Variants in C1R observed in about 807,000 individuals in gnomAD.
C1R encodes complement C1r.
In C1R, 15 loss-of-function variants were observed where a neutral mutation model predicts 27.6. The observed-to-expected ratio is 0.54, with a 90% confidence interval of 0.36 to 0.84. C1R has a LOEUF of 0.84. Ranked by LOEUF, C1R falls within the 40% of genes least tolerant of loss-of-function variation. C1R has a pLI of 0.01. For missense variants in C1R, 544 were observed against 577.9 expected (o/e 0.94, Z 0.60); for synonymous variants, 253 against 228.8 (o/e 1.11, Z -0.95).
intron 6 of C1R, 29 bp downstream of exon 6, chr12:7,088,810 C>T (rs768810007): frequency 1.3e-6 from 1 of 773,134 alleles, no homozygotes; most frequent in Non-Finnish European, 2.4e-6. Context: ...CATTGCTGGC[C>T]ATCGAGGGAG....
chr12:7,088,817 G>A (rs1375413468), intron 6 of C1R, 22 bp downstream of exon 6: 4 of 772,584 alleles, frequency 5.2e-6, no homozygotes, highest in Middle Eastern at 2.3e-4. Flanking sequence ...GGCCATCGAG[G>A]GAGGCCTGCA....
chr12:7,089,599 G>T lies in C1R; in HGVS notation c.559C>A (p.His187Asn). The T allele has an allele frequency of 1.3e-6, 1 of 780,912 alleles. No individual in the cohort carries two copies. The highest frequency in any genetic ancestry group is 2.4e-6 in the Non-Finnish European group (1 of 417,982). 48.4% of individuals were successfully genotyped at this position (780,912 alleles called of 1,614,324 possible). Residue 187 changes from histidine to asparagine, a missense_variant, in exon 4 of 11, where the codon CAT becomes AAT. Transcript: ENST00000647956. Reference sequence around the variant, plus strand: ...CACTCTGGCTCACCCTGGCAGGAATGCCTGTCTTCCTGAAGCTCATAGCCT... The same window carrying T: ...CACTCTGGCTCACCCTGGCAGGAATTCCTGTCTTCCTGAAGCTCATAGCCT... ...RPGYELQEDRHSCQAECSSEL... is the reference protein window; with the variant it reads ...RPGYELQEDRNSCQAECSSEL...
In C1R at chr12:7,080,652, A is replaced by G. The variant is rs371889125; in HGVS notation, c.1998T>C (p.Asp666=). 4.9e-5 allele frequency: 79 copies of G among 1,613,826 alleles called. No homozygotes were observed. The African/African-American group carries it at 9.3e-4, about 19-fold the overall frequency. ...ACACGATGCCCGTGGCCACCCAGCGATCAGTGTTCGGGTCCCTTACTGCAA... is the reference window on the plus strand; with the variant it reads ...ACACGATGCCCGTGGCCACCCAGCGGTCAGTGTTCGGGTCCCTTACTGCAA... ...GVFAVRDPNT[D]RWVATGIVSW... Residue 666 remains aspartate, a synonymous_variant, in exon 11 of 11, where the codon GAT becomes GAC. Coordinates refer to ENST00000647956, the MANE Select transcript of C1R (RefSeq NM_001733.7). This position sits in a 1 kb window ranked among gnomAD's most constrained non-coding sequence, Gnocchi z 4.9.
In C1R at chr12:7,088,577, G is replaced by C. The variant is rs771464763; in HGVS notation, c.1038+33C>G. On this transcript the variant is annotated intron_variant, in intron 7 of 10. Transcript: ENST00000647956. ...ACCTGAATTCCTCCTGGGGTGCTGGGCCGGCTCTCTCCCCTCAGCCCTGGG... is the reference window on the plus strand; with the variant it reads ...ACCTGAATTCCTCCTGGGGTGCTGGCCCGGCTCTCTCCCCTCAGCCCTGGG... 1.4e-5 allele frequency: 10 copies of C among 718,844 alleles called. 1 individual carries two copies. The highest frequency in any genetic ancestry group is 2.3e-4 in the Middle Eastern group (1 of 4,394). The allele number at this position is 718,844 out of a possible 1,614,324, so 44.5% of individuals were successfully genotyped here.
At chr12:7,088,204 C>T (rs956945389) in intron 7 of C1R, among the ~76,000 whole-genome samples, 1 of 152,160 alleles carries the variant, frequency 6.6e-6, no homozygotes, top group Admixed American at 6.5e-5. Flanking sequence ...GGCAATAGTT[C>T]TTAAACTTGG....
Position 7,081,288 on chromosome 12 carries a change from G to T in C1R, c.1362C>A (p.Pro454=). 6.2e-7 allele frequency: 1 copy of T among 1,609,978 alleles called. No homozygotes were observed. Among genetic ancestry groups the T allele is most frequent in the Non-Finnish European group, 8.5e-7 (1 of 1,178,172 alleles). ...GCTGCCTCTGTTCCACGGGGTTCAC[G>T]GGCTTCCCACACACTGAGGGAGAGA... The part of the protein sequence containing the change: ...IPRCLPVCGK[P]VNPVEQRQRI... The change falls in exon 11 of 11, where the codon CCC becomes CCA. Residue 454 remains proline, a synonymous_variant. Coordinates refer to ENST00000647956, the MANE Select transcript of C1R (RefSeq NM_001733.7).
At position 7,091,603 on chromosome 12, in the gene C1R, C is replaced by A. The variant is rs745704514; in HGVS notation, c.80G>T (p.Gly27Val). ...GSIPIPQKLFGEVTSPLFPKP... is the reference protein window; with the variant it reads ...GSIPIPQKLFVEVTSPLFPKP... ...GGGGAACAGAGGGGAAGTCACCTCC[C>A]CAAATAACTTCTGAGGGATGGGAAT... is the stretch of plus-strand genomic sequence containing the variant. Residue 27 changes from glycine (G) to valine (V), a missense_variant, in exon 2 of 11, where the codon GGG becomes GTG. By Grantham distance (109) the Gly-to-Val change is moderately radical. Transcript: ENST00000647956. The surrounding 1 kb of genome is among the most constrained non-coding windows in gnomAD (Gnocchi z 5.1). 1.3e-6 allele frequency: 1 copy of A among 768,140 alleles called. No homozygotes were observed. Among genetic ancestry groups the A allele is most frequent in the East Asian group, 2.5e-5 (1 of 40,720 alleles). 47.6% of individuals were successfully genotyped at this position (768,140 alleles called of 1,614,324 possible). A position where few individuals can be genotyped will look rare whatever the true frequency, so the allele number is the denominator to read the frequency against.
intron 9 of C1R, among the ~76,000 whole-genome samples, chr12:7,083,294 G>T (rs1044321487): frequency 1.3e-5 from 1 of 75,530 alleles, no homozygotes; most frequent in Middle Eastern, 4.8e-3. Context: ...GGTGTTGGTA[G>T]TGATGATGGT....
chr12:7,086,847 T>C (rs1938164344), intron 7 of C1R: 1 of 157,756 alleles, frequency 6.3e-6, no homozygotes, highest in South Asian at 2.1e-4. Context: ...GTGTTTCTCT[T>C]GCTGGTGTCC....
At chr12:7,090,359 G>A (rs949717867) in intron 2 of C1R, 111 bp from the exon 3 acceptor site, 7 of 621,064 alleles carry the variant, frequency 1.1e-5, no homozygotes, top group African/African-American at 1.1e-4. Flanking sequence ...GCACCACAAT[G>A]GCTCTGGCTG....
chr12:7,090,293 G>C, intron 2 of C1R, 45 bp from the exon 3 acceptor site: 1 of 695,886 alleles, frequency 1.4e-6, no homozygotes, highest in Non-Finnish European at 2.7e-6. Context: ...CTGTTGCGGA[G>C]TGGCGCACGT....
At chr12:7,082,459 G>A (rs1199446251) in intron 9 of C1R, among the ~76,000 whole-genome samples, 1 of 152,034 alleles carries the variant, frequency 6.6e-6, no homozygotes, top group Non-Finnish European at 1.5e-5. Flanking sequence ...AGCCTCCCAA[G>A]TAGCTGGGAC....
rs745450078 is a variant in C1R, at chr12:7,089,636, A to G, written c.522T>C (p.Cys174=). 2.6e-6 allele frequency: 2 copies of G among 780,912 alleles called. No homozygotes were observed. The highest frequency in any genetic ancestry group is 3.4e-5 in the Admixed American group (2 of 59,044). The allele number at this position is 780,912 out of a possible 1,614,324, so 48.4% of individuals were successfully genotyped here. ...LCHNYVGGYF[C]SCRPGYELQE... ...GAAGCTCATAGCCTGGACGGCAGGA[A>G]CAGAAGTAGCCTCCAACGTAGTTGT... Residue 174 remains cysteine (C), a synonymous_variant, in exon 4 of 11, where the codon TGT becomes TGC. Coordinates refer to ENST00000647956, the MANE Select transcript of C1R (RefSeq NM_001733.7).
chr12:7,086,242 A>C (rs1938154227), intron 8 of C1R, 137 bp downstream of exon 8: 1 of 397,572 alleles, frequency 2.5e-6, no homozygotes, highest in East Asian at 3.6e-5. Context: ...GAGATGGCCC[A>C]TAGGCATCAA....
intron 9 of C1R, among the ~76,000 whole-genome samples, chr12:7,085,493 G>T (rs942349970): frequency 1.3e-5 from 2 of 151,738 alleles, no homozygotes; most frequent in Non-Finnish European, 2.9e-5. Context: ...GTTGATTGTG[G>T]TGATGGCGGT....
In C1R at chr12:7,085,997, G is replaced by A; in HGVS notation, c.1137C>T (p.Pro379=). The A allele has an allele frequency of 2.5e-6, 1 of 398,670 alleles. No individual in the cohort carries two copies. The highest frequency in any genetic ancestry group is 4.4e-6 in the Non-Finnish European group (1 of 226,116). The allele number at this position is 398,670 out of a possible 1,614,324, so 24.7% of individuals were successfully genotyped here. Residue 379 remains proline (P), a synonymous_variant, in exon 9 of 11, where the codon CCC becomes CCT. Coordinates refer to ENST00000647956, the MANE Select transcript of C1R (RefSeq NM_001733.7). ...GGAAGTCACCATTAGGCAGGTTTCG[G>A]GGCTGCCCACAGTCCTTGACTTGGA... The part of the protein sequence containing the change: ...PRCKIKDCGQ[P]RNLPNGDFRY...
chr12:7,083,395 G>T (rs1938100519), intron 9 of C1R, among the ~76,000 whole-genome samples: 1 of 152,258 alleles, frequency 6.6e-6, no homozygotes, highest in Non-Finnish European at 1.5e-5. Context: ...TGGTAATGGT[G>T]TTAGTAATAG....
chr12:7,082,246 C>A, intron 9 of C1R, 140 bp from the exon 10 acceptor site: 1 of 660,830 alleles, frequency 1.5e-6, no homozygotes, highest in South Asian at 1.6e-5. Context: ...AGGTCAAAGG[C>A]TCAACTCTAG....
rs773303610 is a variant in C1R at position 7,080,497 on chromosome 12, C to T, written c.*35G>A. 37 of 1,512,450 alleles carry T rather than the reference C, an allele frequency of 2.4e-5. No homozygotes were observed. The highest frequency in any genetic ancestry group is 2.9e-5 in the Non-Finnish European group (33 of 1,131,142). The allele number at this position is 1,512,450 out of a possible 1,614,324, so 93.7% of individuals were successfully genotyped here. A position where few individuals can be genotyped will look rare whatever the true frequency, so the allele number is the denominator to read the frequency against. Reference sequence around the variant, plus strand: ...TGTTTTTTGTTTTTTTTTTTCCACACTGCTCTCTGGATTCGAACCTAGTGA... The same window carrying T: ...TGTTTTTTGTTTTTTTTTTTCCACATTGCTCTCTGGATTCGAACCTAGTGA... On this transcript the variant is annotated 3_prime_UTR_variant, in exon 11 of 11. Transcript: ENST00000647956. This position sits in a 1 kb window ranked among gnomAD's most constrained non-coding sequence, Gnocchi z 4.9.
Sources: gnomAD v4.1 joint callset for allele counts (sites outside exome capture counted in the v4.1 genomes callset) on GRCh38, gnomAD v4.1.1 for gene constraint, Gnocchi (gnomAD v3.1) non-coding constraint, MANE v1.5 for transcripts, NCBI Gene and HGNC (gene_info 2026-07-23, HGNC 2026-07-21) for gene names.